PDIA6: variants seen among roughly 807,000 people sequenced by gnomAD.
PDIA6 encodes the protein protein disulfide isomerase family A member 6.
In PDIA6, 29 loss-of-function variants were observed where a neutral mutation model predicts 58.4. That is an observed-to-expected ratio of 0.50 (90% CI 0.37 to 0.68). The LOEUF (loss-of-function observed/expected upper bound fraction) is 0.68, where lower values mean the gene tolerates loss of function less well. Ranked by LOEUF, PDIA6 falls within the 30% of genes least tolerant of loss-of-function variation. PDIA6 has a pLI of 0.00. For missense variants in PDIA6, 480 were observed against 551.0 expected (o/e 0.87, Z 1.29); for synonymous variants, 192 against 202.6 (o/e 0.95, Z 0.44).
At chr2:10,826,816 C>A (rs1035416163) in intron 1 of PDIA6, among the ~76,000 whole-genome samples, 1 of 152,152 alleles carries the variant, frequency 6.6e-6, no homozygotes, top group South Asian at 2.1e-4. Flanking sequence ...TCTGACGTCA[C>A]CTCAAACCCC....
upstream of PDIA6, among the ~76,000 whole-genome samples, chr2:10,814,829 C>G (rs1667144362): frequency 6.6e-6 from 1 of 152,244 alleles, no homozygotes; most frequent in Non-Finnish European, 1.5e-5. Flanking sequence ...CCTCTCCAGG[C>G]CTGCTGTGTT....
chr2:10,784,536 T>C (rs1572640957), intron 12 of PDIA6: 2 of 528,982 alleles, frequency 3.8e-6, no homozygotes, highest in Non-Finnish European at 6.5e-6. Context: ...ATCACATCAC[T>C]CACCATTTTA....
At position 10,787,433 on chromosome 2, in the gene PDIA6, C is replaced by T. The variant is rs770353872; in HGVS notation, c.1005G>A (p.Leu335=). 63 of 1,610,642 alleles carry T rather than the reference C, an allele frequency of 3.9e-5. No homozygotes were observed. The highest frequency in any genetic ancestry group is 1.8e-4 in the Admixed American group (11 of 59,482). Residue 335 remains leucine, a synonymous_variant, in exon 11 of 13, where the codon CTG becomes CTA. Transcript: ENST00000272227. ...DKYKKKMWGW[L]WTEAGAQSEL... ...CAGACTGGGCTCCAGCTTCTGTCCACAGCCACCTAGAAAACCAGACTGGTT... is the reference window on the plus strand; with the variant it reads ...CAGACTGGGCTCCAGCTTCTGTCCATAGCCACCTAGAAAACCAGACTGGTT...
At chr2:10,837,002 C>T (rs528155787), upstream of PDIA6, among the ~76,000 whole-genome samples, 64 of 152,282 alleles carry the variant, frequency 4.2e-4, no homozygotes, top group African/African-American at 1.4e-3. Flanking sequence ...TGATGGTTAA[C>T]AGTGATGATA....
intron 4 of PDIA6, among the ~76,000 whole-genome samples, chr2:10,795,013 G>A (rs76747779): frequency 0.03 from 4,593 of 152,290 alleles, 94 homozygotes; most frequent in South Asian, 0.048. Context: ...ATCGCTGGCT[G>A]AGCCTACCAA....
chr2:10,820,143 C>G (rs1008561774), intron 1 of PDIA6, among the ~76,000 whole-genome samples: 1 of 152,138 alleles, frequency 6.6e-6, no homozygotes, highest in African/African-American at 2.4e-5. Flanking sequence ...GACGTGGACC[C>G]ACGAAGAGTT....
chr2:10,809,645 C>CAAAAAAAAAAAAA (rs56308831), intron 1 of PDIA6, among the ~76,000 whole-genome samples: 5 of 64,664 alleles, frequency 7.7e-5, no homozygotes, highest in African/African-American at 1.6e-4. Flanking sequence ...GACCCGGTCT[C>CAAAAAAAAAAAAA]AAAAAAAAAA....
upstream of PDIA6, among the ~76,000 whole-genome samples, chr2:10,813,550 T>A (rs1179981685): frequency 6.6e-6 from 1 of 152,224 alleles, no homozygotes; most frequent in African/African-American, 2.4e-5. Context: ...AGCCTTGAAC[T>A]CCTGGGCTGC....
upstream of PDIA6, among the ~76,000 whole-genome samples, chr2:10,834,163 G>A (rs1667771701): frequency 6.6e-6 from 1 of 152,228 alleles, no homozygotes; most frequent in South Asian, 2.1e-4. Context: ...CTTTCTTTGG[G>A]GTCTCAGCAG....
At chr2:10,791,703 G>C in intron 6 of PDIA6, 92 bp downstream of exon 6, 1 of 1,138,304 alleles carries the variant, frequency 8.8e-7, no homozygotes, top group Non-Finnish European at 1.3e-6. Context: ...TCTTAGTGGT[G>C]ATCTATTATC....
At chr2:10,809,554 G>A (rs2952627) in intron 1 of PDIA6, among the ~76,000 whole-genome samples, 73,221 of 147,092 alleles carry the variant, frequency 0.5, 19,377 homozygotes, top group South Asian at 0.6. Flanking sequence ...AAATTAGCTC[G>A]GTATGGTAGG....
chr2:10,827,795 G>A (rs1667590519), intron 1 of PDIA6, among the ~76,000 whole-genome samples: 1 of 148,748 alleles, frequency 6.7e-6, no homozygotes, highest in Admixed American at 6.7e-5. Flanking sequence ...CTGCACTCCA[G>A]CCTGGGTGAC....
chr2:10,788,528 C>A (rs181774238), intron 10 of PDIA6, among the ~76,000 whole-genome samples, 169 bp downstream of exon 10: 3 of 148,542 alleles, frequency 2.0e-5, no homozygotes, highest in Non-Finnish European at 3.0e-5. Flanking sequence ...TGGTGGCGGG[C>A]GCCTATAATC....
In PDIA6 at chr2:10,822,653, G is replaced by C. The variant is rs913899542; in HGVS notation, c.-47-3299C>G. Among the ~76,000 whole-genome samples the C allele has an allele frequency of 5.3e-5, 8 of 152,362 alleles. 1 individual carries two copies. In the South Asian group the frequency reaches 1.7e-3, roughly 32 times the overall value. ...CATTGATAAGGAGGCACTTAGTAGA[G>C]TGATAATATCTTCACCCTCTATACC... On this transcript the variant is annotated intron_variant, in intron 1 of 13. Coordinates refer to the PDIA6 transcript ENST00000381611.
chr2:10,832,360 G>A (rs1303993527), exon 1 of PDIA6: 3 of 945,540 alleles, frequency 3.2e-6, no homozygotes, highest in East Asian at 1.2e-4. Context: ...CCGTGAGAAT[G>A]AGCAAACTGC....
intron 2 of PDIA6, 46 bp downstream of exon 2, chr2:10,802,453 T>C (rs1395068295): frequency 1.7e-6 from 2 of 1,194,050 alleles, no homozygotes; most frequent in Non-Finnish European, 2.2e-6. Flanking sequence ...TTTCTCCAAT[T>C]TCAGAAAGTA....
At chr2:10,796,484 G>A (rs1666273151) in intron 4 of PDIA6, among the ~76,000 whole-genome samples, 1 of 147,164 alleles carries the variant, frequency 6.8e-6, no homozygotes, top group South Asian at 2.1e-4. Flanking sequence ...GGGCAACACA[G>A]CAAGACTCTG....
At chr2:10,807,905 G>C (rs1666829252) in intron 1 of PDIA6, among the ~76,000 whole-genome samples, 1 of 152,134 alleles carries the variant, frequency 6.6e-6, no homozygotes, top group Non-Finnish European at 1.5e-5. Flanking sequence ...AGACCAAATG[G>C]CCCATCTATG....
intron 11 of PDIA6, among the ~76,000 whole-genome samples, chr2:10,785,261 G>C (rs1261442722): frequency 1.3e-5 from 2 of 152,202 alleles, no homozygotes; most frequent in Non-Finnish European, 2.9e-5. Flanking sequence ...ATCAGATAAA[G>C]TCAGTTGCTA....
Sources: gnomAD v4.1 joint callset for allele counts (sites outside exome capture counted in the v4.1 genomes callset) on GRCh38, gnomAD v4.1.1 for gene constraint, MANE v1.5 for transcripts, NCBI Gene and HGNC (gene_info 2026-07-23, HGNC 2026-07-21) for gene names.